Variants in ARHGAP6 observed in about 807,000 individuals in gnomAD.
The protein encoded by ARHGAP6 is Rho GTPase activating protein 6, also known as rho GTPase-activating protein 6.
ARHGAP6 carries 16 observed loss-of-function variants against 55.7 expected under a neutral mutation model. That is an observed-to-expected ratio of 0.29 (90% CI 0.19 to 0.44). ARHGAP6 has a LOEUF of 0.44. ARHGAP6 is among the 20% of genes least tolerant of loss of function. ARHGAP6 has a pLI of 1.00. For synonymous variants in ARHGAP6, 382 were observed against 360.9 expected (o/e 1.06, Z -0.66); for missense variants, 698 against 808.9 (o/e 0.86, Z 1.66).
At chrX:11,245,815 C>A (rs1390720258) in intron 2 of ARHGAP6, among the ~76,000 whole-genome samples, 1 of 111,812 alleles carries the variant, frequency 8.9e-6, no homozygotes, top group Non-Finnish European at 1.9e-5. Flanking sequence ...AGGTTGTGGA[C>A]AAAAAATCTG....
At chrX:11,617,100 T>C (rs764210156) in intron 1 of ARHGAP6, among the ~76,000 whole-genome samples, 1 of 112,232 alleles carries the variant, frequency 8.9e-6, no homozygotes, top group East Asian at 2.8e-4. Flanking sequence ...TATGGAGATA[T>C]GCTGTAGGTG....
At chrX:11,455,784 A>G (rs1169781999) in intron 1 of ARHGAP6, among the ~76,000 whole-genome samples, 1 of 112,249 alleles carries the variant, frequency 8.9e-6, no homozygotes, top group Non-Finnish European at 1.9e-5. Flanking sequence ...TTCTACCTCA[A>G]TAACTTGGTA....
intron 1 of ARHGAP6, among the ~76,000 whole-genome samples, chrX:11,408,331 C>T (rs1362386009): frequency 9.0e-6 from 1 of 111,227 alleles, no homozygotes; most frequent in African/African-American, 3.3e-5. Flanking sequence ...ATAAGCCTCA[C>T]GGGTGAACTA....
intron 1 of ARHGAP6, among the ~76,000 whole-genome samples, chrX:11,528,671 C>T (rs1198360648): frequency 1.8e-5 from 2 of 111,723 alleles, no homozygotes; most frequent in African/African-American, 6.5e-5. Context: ...TTTCCCCAGC[C>T]CTCCTAGAAT....
chrX:11,432,837 T>C lies in ARHGAP6; in HGVS notation c.589-178130A>G, dbSNP rs1475576744. 3.6e-5 allele frequency among the ~76,000 whole-genome samples: 4 copies of C among 112,288 alleles called. No homozygotes were observed. The Admixed American group carries it at 3.8e-4, about 11-fold the overall frequency. Reference sequence around the variant, plus strand: ...CACACGCACAGACAGGAGCAATGGATACACTGAATGTGCTTTTGAGGGAGG... The same window carrying C: ...CACACGCACAGACAGGAGCAATGGACACACTGAATGTGCTTTTGAGGGAGG... On this transcript the variant is annotated intron_variant, in intron 1 of 12. Coordinates refer to ENST00000337414, the MANE Select transcript of ARHGAP6 (RefSeq NM_013427.3).
rs2045569442 is a variant in ARHGAP6, at chrX:11,138,000, C to G, written c.*863G>C. On this transcript the variant is annotated 3_prime_UTR_variant, in exon 13 of 13. Coordinates refer to ENST00000337414, the MANE Select transcript of ARHGAP6 (RefSeq NM_013427.3). ...TTCTTAAACACTTTATAGTTGGATT[C>G]CAGTTTGTAGTTTTGAAAAATACAT... The G allele has an allele frequency of 9.1e-6, 1 of 109,891 alleles. No individual in the cohort carries two copies. Among genetic ancestry groups the G allele is most frequent in the Non-Finnish European group, 1.9e-5 (1 of 52,525 alleles). 9.1% of individuals were successfully genotyped at this position (109,891 alleles called of 1,213,427 possible). A position where few individuals can be genotyped will look rare whatever the true frequency, so the allele number is the denominator to read the frequency against.
chrX:11,532,739 T>C (rs754849666), intron 1 of ARHGAP6, among the ~76,000 whole-genome samples: 1 of 112,970 alleles, frequency 8.9e-6, no homozygotes, highest in African/African-American at 3.2e-5. Flanking sequence ...CTCATTCATT[T>C]ACATATTGTA....
chrX:11,299,091 C>G, intron 1 of ARHGAP6: 1 of 887,923 alleles, frequency 1.1e-6, no homozygotes, highest in South Asian at 2.1e-5. Context: ...AGTTACAGGT[C>G]TATGATTCTA....
At chrX:11,501,082 C>T (rs919829066) in intron 1 of ARHGAP6, among the ~76,000 whole-genome samples, 12 of 112,101 alleles carry the variant, frequency 1.1e-4, no homozygotes, top group African/African-American at 3.9e-4. Flanking sequence ...TTCACAACTA[C>T]TCAACTCTGC....
intron 12 of ARHGAP6, among the ~76,000 whole-genome samples, chrX:11,141,724 G>A (rs1471364763): frequency 8.9e-6 from 1 of 112,440 alleles, no homozygotes; most frequent in Non-Finnish European, 1.9e-5. Context: ...TGTACCTCCA[G>A]ATTCTTGGAA....
chrX:11,195,766 A>G (rs1208020193), intron 3 of ARHGAP6, among the ~76,000 whole-genome samples: 1 of 108,254 alleles, frequency 9.2e-6, no homozygotes, highest in Non-Finnish European at 1.9e-5. Flanking sequence ...TGCAACACAC[A>G]ATTTACCTAT....
intron 1 of ARHGAP6, among the ~76,000 whole-genome samples, chrX:11,467,753 G>T (rs763632696): frequency 3.6e-5 from 4 of 111,042 alleles, no homozygotes; most frequent in Non-Finnish European, 7.5e-5. Flanking sequence ...GCCAAGATGG[G>T]TGAATCGCTT....
chrX:11,468,996 T>A lies in ARHGAP6; in HGVS notation c.588+195245A>T, dbSNP rs142235743. 1.3e-3 allele frequency among the ~76,000 whole-genome samples: 143 copies of A among 112,297 alleles called. 1 individual carries two copies. Among genetic ancestry groups the A allele is most frequent in the African/African-American group, 4.6e-3 (141 of 30,919 alleles). Reference sequence around the variant, plus strand: ...CATGAGAGAGATGATCATGATGATATGAGTGAAGGCAGGCATCTGCAAATC... The same window carrying A: ...CATGAGAGAGATGATCATGATGATAAGAGTGAAGGCAGGCATCTGCAAATC... On this transcript the variant is annotated intron_variant, in intron 1 of 12. Transcript: ENST00000337414.
In ARHGAP6 at chrX:11,488,823, C is replaced by G. The variant is rs367584079; in HGVS notation, c.588+175418G>C. Among the ~76,000 whole-genome samples the G allele has an allele frequency of 1.1e-4, 12 of 111,723 alleles. No homozygotes were observed. The East Asian group carries it at 3.1e-3, about 29-fold the overall frequency. ...ACTTCCATCCTGAAACCATCCCCCC[C>G]ACAACCCTGGTCTGTAGGAAAATTG... On this transcript the variant is annotated intron_variant, in intron 1 of 12. Transcript: ENST00000337414.
At chrX:11,451,815 T>C (rs1231149316) in intron 1 of ARHGAP6, among the ~76,000 whole-genome samples, 1 of 112,459 alleles carries the variant, frequency 8.9e-6, no homozygotes. Flanking sequence ...AAGGTAGAGA[T>C]GATGTCTTCC....
chrX:11,608,665 C>A lies in ARHGAP6; in HGVS notation c.588+55576G>T, dbSNP rs543179106. Among the ~76,000 whole-genome samples the A allele has an allele frequency of 1.3e-4, 14 of 111,611 alleles. No individual in the cohort carries two copies. The East Asian group carries it at 3.7e-3, about 29-fold the overall frequency. On this transcript the variant is annotated intron_variant, in intron 1 of 12. Transcript: ENST00000337414. ...TAATTCCCACGTGTTGTGGGAGGGACCCCGTGGGAGATAATTTGAATCATG... is the reference window on the plus strand; with the variant it reads ...TAATTCCCACGTGTTGTGGGAGGGAACCCGTGGGAGATAATTTGAATCATG...
At chrX:11,296,489 G>C (rs1350392376) in intron 1 of ARHGAP6, among the ~76,000 whole-genome samples, 1 of 111,679 alleles carries the variant, frequency 9.0e-6, no homozygotes, top group Non-Finnish European at 1.9e-5. Flanking sequence ...ATAAATGTGT[G>C]CTGGTTTCTG....
chrX:11,648,958 TA>T (rs2052557356), intron 1 of ARHGAP6, among the ~76,000 whole-genome samples: 1 of 112,140 alleles, frequency 8.9e-6, no homozygotes, highest in African/African-American at 3.2e-5. Flanking sequence ...ATGTGGAAGT[TA>T]AAACCCCAGA....
intron 1 of ARHGAP6, among the ~76,000 whole-genome samples, chrX:11,423,241 C>T (rs1438971233): frequency 2.7e-5 from 3 of 112,966 alleles, no homozygotes; most frequent in African/African-American, 6.4e-5. Context: ...CCTGCAACGG[C>T]GCCCAGTTCT....
Sources: allele counts gnomAD v4.1 joint callset (sites outside exome capture counted in the v4.1 genomes callset), GRCh38; gene constraint gnomAD v4.1.1; transcripts MANE v1.5; gene names NCBI Gene and HGNC (gene_info 2026-07-23, HGNC 2026-07-21).